The following ARHGAP26 variants were observed in gnomAD, a reference collection of about 807,000 sequenced individuals.
ARHGAP26 encodes Rho GTPase activating protein 26.
A neutral mutation model predicts 104.8 loss-of-function variants in ARHGAP26; 38 were observed. That is an observed-to-expected ratio of 0.36 (90% CI 0.28 to 0.48). The LOEUF is 0.48. ARHGAP26 is among the 20% of genes least tolerant of loss of function. ARHGAP26 has a pLI of 0.99. For missense variants in ARHGAP26, 704 were observed against 947.9 expected (o/e 0.74, Z 3.38); for synonymous variants, 341 against 340.0 (o/e 1.00, Z -0.03).
Position 143,225,440 on chromosome 5 carries a change from C to T in ARHGAP26, c.*2994C>T, listed in dbSNP as rs147171803. The T allele has an allele frequency of 1.0e-5, 2 of 194,450 alleles. No individual in the cohort carries two copies. The highest frequency in any genetic ancestry group is 1.2e-4 in the Admixed American group (2 of 16,366). The allele number at this position is 194,450 out of a possible 1,614,324, so 12.0% of individuals were successfully genotyped here. On this transcript the variant is annotated 3_prime_UTR_variant, in exon 23 of 23. Coordinates refer to ENST00000645722, the MANE Select transcript of ARHGAP26 (RefSeq NM_001135608.3). ...CTGACCTCAAGTGATCTGCCCACTT[C>T]AGACCCCCAAAGTGCTGGGATTCCA...
intron 12 of ARHGAP26, among the ~76,000 whole-genome samples, chr5:143,035,317 A>G (rs1314139677): frequency 6.6e-6 from 1 of 152,214 alleles, no homozygotes; most frequent in Non-Finnish European, 1.5e-5. Flanking sequence ...CAAGTGGATA[A>G]AGAAACTTTG....
intron 1 of ARHGAP26, among the ~76,000 whole-genome samples, chr5:142,866,593 A>ATG (rs2152329311): frequency 2.0e-5 from 3 of 152,318 alleles, no homozygotes; most frequent in Admixed American, 2.0e-4. Flanking sequence ...ATAGAATTAG[A>ATG]AACCTCATTT....
chr5:142,853,471 G>A (rs115093089), intron 1 of ARHGAP26, among the ~76,000 whole-genome samples: 3,416 of 152,236 alleles, frequency 0.022, 134 homozygotes, highest in African/African-American at 0.077. Flanking sequence ...GATTATAGAC[G>A]TGAGCCACTA....
chr5:142,829,614 C>T (rs1042724013), intron 1 of ARHGAP26, among the ~76,000 whole-genome samples: 8 of 152,156 alleles, frequency 5.3e-5, no homozygotes, highest in Non-Finnish European at 7.3e-5. Flanking sequence ...GCCTGCTTGC[C>T]GCACTGGATT....
chr5:142,839,632 A>C (rs1164313668), intron 1 of ARHGAP26, among the ~76,000 whole-genome samples: 1 of 152,186 alleles, frequency 6.6e-6, no homozygotes, highest in African/African-American at 2.4e-5. Flanking sequence ...AGGTAAAATA[A>C]TCCCTATTCT....
chr5:142,909,591 C>CT (rs1283898528), intron 9 of ARHGAP26, among the ~76,000 whole-genome samples: 2 of 152,280 alleles, frequency 1.3e-5, no homozygotes, highest in African/African-American at 4.8e-5. Flanking sequence ...TAACAAAGCC[C>CT]TTTTTATGTT....
At chr5:143,014,148 C>T in intron 12 of ARHGAP26, 32 bp downstream of exon 12, 1 of 1,613,126 alleles carries the variant, frequency 6.2e-7, no homozygotes, top group Non-Finnish European at 8.5e-7. Context: ...CCTTCTACAG[C>T]CAGGGTTGGG....
At chr5:142,960,938 T>C (rs1562159911) in intron 11 of ARHGAP26, among the ~76,000 whole-genome samples, 1 of 152,244 alleles carries the variant, frequency 6.6e-6, no homozygotes, top group Non-Finnish European at 1.5e-5. Flanking sequence ...TCTCAACTTA[T>C]AGGTCACCTT....
intron 19 of ARHGAP26, among the ~76,000 whole-genome samples, chr5:143,141,935 C>T (rs1798586910): frequency 6.6e-6 from 1 of 152,176 alleles, no homozygotes; most frequent in African/African-American, 2.4e-5. Context: ...ACAGTGACTT[C>T]CCCATTCTCT....
At chr5:143,060,782 AT>A (rs1033414955) in intron 17 of ARHGAP26, among the ~76,000 whole-genome samples, 50 of 152,182 alleles carry the variant, frequency 3.3e-4, no homozygotes, top group Middle Eastern at 3.4e-3. Context: ...TTTCTGATTT[AT>A]TTTGCAGGTA....
intron 20 of ARHGAP26, among the ~76,000 whole-genome samples, chr5:143,192,215 A>G (rs1417398462): frequency 6.6e-6 from 1 of 152,238 alleles, no homozygotes; most frequent in African/African-American, 2.4e-5. Context: ...CACTGGAGAA[A>G]GATCAAACTC....
At chr5:143,096,031 A>T (rs899598493) in intron 17 of ARHGAP26, among the ~76,000 whole-genome samples, 7 of 152,336 alleles carry the variant, frequency 4.6e-5, no homozygotes, top group African/African-American at 9.6e-5. Flanking sequence ...GTAATTTTTT[A>T]AAAAAATTAT....
At chr5:143,188,164 G>T (rs1805425384) in intron 20 of ARHGAP26, among the ~76,000 whole-genome samples, 1 of 152,120 alleles carries the variant, frequency 6.6e-6, no homozygotes, top group Non-Finnish European at 1.5e-5. Flanking sequence ...CAAATAAAAG[G>T]TTTTAGAGGA....
At chr5:142,939,017 A>G (rs774785352) in intron 11 of ARHGAP26, among the ~76,000 whole-genome samples, 4 of 152,176 alleles carry the variant, frequency 2.6e-5, no homozygotes, top group Non-Finnish European at 5.9e-5. Flanking sequence ...GTATTAGGAA[A>G]TCACCACTCT....
intron 10 of ARHGAP26, among the ~76,000 whole-genome samples, chr5:142,918,680 C>T (rs1762827258): frequency 6.6e-6 from 1 of 152,018 alleles, no homozygotes; most frequent in Admixed American, 6.6e-5. Context: ...ATGTTCAAAC[C>T]TGAACTACTG....
At chr5:142,855,084 A>G (rs1752128509) in intron 1 of ARHGAP26, among the ~76,000 whole-genome samples, 1 of 152,110 alleles carries the variant, frequency 6.6e-6, no homozygotes, top group Non-Finnish European at 1.5e-5. Context: ...TCACAAAAAT[A>G]ATAATTAAAA....
intron 1 of ARHGAP26, among the ~76,000 whole-genome samples, chr5:142,829,909 C>T (rs1198609171): frequency 1.3e-5 from 2 of 152,184 alleles, no homozygotes; most frequent in African/African-American, 4.8e-5. Flanking sequence ...TGTCTTCCCA[C>T]AGCTAGGAAG....
intron 1 of ARHGAP26, among the ~76,000 whole-genome samples, chr5:142,826,462 C>A (rs544403171): frequency 6.6e-6 from 1 of 152,206 alleles, no homozygotes; most frequent in Non-Finnish European, 1.5e-5. Flanking sequence ...ATAAGTTGCC[C>A]GGTTCATTCA....
At chr5:142,779,550 T>C (rs1757075363) in intron 1 of ARHGAP26, among the ~76,000 whole-genome samples, 1 of 152,208 alleles carries the variant, frequency 6.6e-6, no homozygotes, top group Admixed American at 6.5e-5. Context: ...TCTTTGACTC[T>C]TGCTGCTGCC....
Sources: gnomAD v4.1 joint callset for allele counts (sites outside exome capture counted in the v4.1 genomes callset) on GRCh38, gnomAD v4.1.1 for gene constraint, MANE v1.5 for transcripts, NCBI Gene and HGNC (gene_info 2026-07-23, HGNC 2026-07-21) for gene names.